JMJD1C: variants seen among roughly 807,000 people sequenced by gnomAD.
The protein encoded by JMJD1C is jumonji domain containing 1C.
In JMJD1C, 31 loss-of-function variants were observed where a neutral mutation model predicts 245.3. The ratio of observed to expected loss-of-function variants is 0.13; its 90% CI spans 0.09 to 0.17. The LOEUF (loss-of-function observed/expected upper bound fraction) is 0.17. JMJD1C is among the 10% of genes least tolerant of loss of function. The pLI, the probability that JMJD1C is intolerant of heterozygous loss-of-function variation, is 1.00. For missense variants in JMJD1C, 2,691 were observed against 3,000.2 expected (o/e 0.90, Z 2.41); for synonymous variants, 1,057 against 1,017.4 (o/e 1.04, Z -0.74).
At chr10:63,455,762 T>C (rs1020070933) in intron 1 of JMJD1C, among the ~76,000 whole-genome samples, 3 of 152,104 alleles carry the variant, frequency 2.0e-5, no homozygotes, top group Non-Finnish European at 4.4e-5. Context: ...GAATGAGAAT[T>C]CAGTACTCTC....
chr10:63,170,148 T>G (rs1842216385), intron 24 of JMJD1C, among the ~76,000 whole-genome samples: 2 of 152,190 alleles, frequency 1.3e-5, no homozygotes, highest in South Asian at 4.1e-4. Context: ...TTTATATAAT[T>G]TATTGATATT....
At chr10:63,419,223 T>TA (rs200913182) in intron 1 of JMJD1C, among the ~76,000 whole-genome samples, 30,490 of 148,302 alleles carry the variant, frequency 0.21, 4,040 homozygotes, top group Non-Finnish European at 0.3. Flanking sequence ...TCATCTCTAC[T>TA]AAAAAATACA....
At chr10:63,268,717 T>C in intron 2 of JMJD1C, 1 of 985,060 alleles carries the variant, frequency 1.0e-6, no homozygotes, top group African/African-American at 1.7e-5. Flanking sequence ...ACAACAAGGC[T>C]TTAAAGGTCA....
chr10:63,237,315 G>C (rs971464926), intron 3 of JMJD1C, among the ~76,000 whole-genome samples: 3 of 151,546 alleles, frequency 2.0e-5, no homozygotes, highest in African/African-American at 7.3e-5. Context: ...TGGGATTACA[G>C]GCGTGAGCCA....
intron 1 of JMJD1C, among the ~76,000 whole-genome samples, chr10:63,386,059 AC>A (rs1947563704): frequency 6.6e-6 from 1 of 151,984 alleles, no homozygotes; most frequent in Admixed American, 6.6e-5. Flanking sequence ...ATGCAGGCTA[AC>A]CCTAAAAAAT....
At chr10:63,285,323 C>A (rs1182103409) in intron 2 of JMJD1C, among the ~76,000 whole-genome samples, 1 of 152,142 alleles carries the variant, frequency 6.6e-6, no homozygotes, top group Non-Finnish European at 1.5e-5. Flanking sequence ...GGTCCATTGG[C>A]CGGAAAAGAT....
intron 1 of JMJD1C, among the ~76,000 whole-genome samples, chr10:63,463,271 T>TCCTCCCACCTCAGCCGCC (rs751363197): frequency 2.0e-3 from 311 of 152,232 alleles, no homozygotes; most frequent in Middle Eastern, 0.014. Flanking sequence ...GCTCAGGTGA[T>TCCTCCCACCTCAGCCGCC]CCTCCCACCT....
chr10:63,193,193 A>G (rs1180642964), intron 15 of JMJD1C, 42 bp from the exon 16 acceptor site: 1 of 1,550,170 alleles, frequency 6.5e-7, no homozygotes, highest in Admixed American at 1.7e-5. Flanking sequence ...ACTTTCTTCA[A>G]TAATTCAATT....
intron 1 of JMJD1C, among the ~76,000 whole-genome samples, chr10:63,508,525 T>A (rs1265887264): frequency 6.6e-6 from 1 of 152,196 alleles, no homozygotes; most frequent in East Asian, 1.9e-4. Flanking sequence ...AGTAACTTAG[T>A]GGGATTTTGA....
At chr10:63,249,767 G>C (rs1022045210) in intron 3 of JMJD1C, among the ~76,000 whole-genome samples, 2 of 151,994 alleles carry the variant, frequency 1.3e-5, no homozygotes, top group Non-Finnish European at 2.9e-5. Flanking sequence ...GGCTGAGGCA[G>C]GAGAATCGCT....
At chr10:63,413,337 A>C (rs539892953) in intron 1 of JMJD1C, among the ~76,000 whole-genome samples, 1 of 152,124 alleles carries the variant, frequency 6.6e-6, no homozygotes, top group Non-Finnish European at 1.5e-5. Flanking sequence ...ATGTTTTGCT[A>C]CCTTAAATAT....
At chr10:63,318,637 G>T (rs1295372052) in intron 2 of JMJD1C, among the ~76,000 whole-genome samples, 1 of 151,638 alleles carries the variant, frequency 6.6e-6, no homozygotes, top group African/African-American at 2.4e-5. Flanking sequence ...AACATTCCTG[G>T]GACATCAATA....
intron 2 of JMJD1C, among the ~76,000 whole-genome samples, chr10:63,273,080 A>G (rs757911464): frequency 1.3e-5 from 2 of 152,264 alleles, no homozygotes; most frequent in Non-Finnish European, 2.9e-5. Context: ...TTGAATTAAA[A>G]TAAGACTGGC....
chr10:63,190,702 T>C (rs982259691), intron 17 of JMJD1C, among the ~76,000 whole-genome samples, 192 bp downstream of exon 17: 3 of 152,112 alleles, frequency 2.0e-5, no homozygotes, highest in Non-Finnish European at 4.4e-5. Flanking sequence ...CCCTCCACCT[T>C]TCACCTTGGA....
intron 3 of JMJD1C, among the ~76,000 whole-genome samples, chr10:63,242,372 A>C (rs1007128963): frequency 6.6e-6 from 1 of 152,240 alleles, no homozygotes; most frequent in Non-Finnish European, 1.5e-5. Flanking sequence ...ATTTACGTTT[A>C]AATAGCCACA....
At chr10:63,240,749 T>C (rs928305123) in intron 3 of JMJD1C, among the ~76,000 whole-genome samples, 1 of 152,168 alleles carries the variant, frequency 6.6e-6, no homozygotes, top group Non-Finnish European at 1.5e-5. Flanking sequence ...TTGGTAAACT[T>C]AGAAAAGTAT....
At chr10:63,468,114 C>T, upstream of JMJD1C, among the ~76,000 whole-genome samples, 1 of 152,084 alleles carries the variant, frequency 6.6e-6, no homozygotes, top group East Asian at 1.9e-4. Context: ...AGCATGTAAT[C>T]CAACAAATCA....
intron 2 of JMJD1C, among the ~76,000 whole-genome samples, chr10:63,371,954 A>C (rs940683163): frequency 3.3e-5 from 5 of 152,232 alleles, no homozygotes; most frequent in African/African-American, 1.2e-4. Context: ...AAATATGTAA[A>C]AACTCTTTAA....
At chr10:63,381,032 T>C (rs1025696812) in intron 1 of JMJD1C, among the ~76,000 whole-genome samples, 3 of 152,202 alleles carry the variant, frequency 2.0e-5, no homozygotes, top group African/African-American at 4.8e-5. Flanking sequence ...TCTGTCAACA[T>C]ATGAATGGGT....
Sources: allele counts gnomAD v4.1 joint callset (sites outside exome capture counted in the v4.1 genomes callset), GRCh38; gene constraint gnomAD v4.1.1; transcripts MANE v1.5; gene names NCBI Gene and HGNC (gene_info 2026-07-23, HGNC 2026-07-21).